The following EYS variants were observed in gnomAD, a reference collection of about 807,000 sequenced individuals.
The protein encoded by EYS is EGF-like photoreceptor maintenance factor, also known as protein eyes shut homolog.
In EYS, 250 loss-of-function variants were observed where a neutral mutation model predicts 282.1. The ratio of observed to expected loss-of-function variants is 0.89; its 90% CI spans 0.80 to 0.98. The LOEUF is 0.98. Among genes scored for constraint, EYS ranks in the 50% least tolerant of loss-of-function variants. EYS has a pLI of 0.00. For synonymous variants in EYS, 1,355 were observed against 1,282.9 expected (o/e 1.06, Z -1.20); for missense variants, 4,016 against 3,709.0 (o/e 1.08, Z -2.15).
intron 26 of EYS, among the ~76,000 whole-genome samples, chr6:64,508,283 G>C (rs114712202): frequency 6.6e-6 from 1 of 151,128 alleles, no homozygotes; most frequent in African/African-American, 2.4e-5. Flanking sequence ...TGATCAAAAC[G>C]GGGAAATAAT....
chr6:64,716,303 G>T (rs951746033), intron 22 of EYS, among the ~76,000 whole-genome samples: 2 of 152,108 alleles, frequency 1.3e-5, no homozygotes, highest in African/African-American at 4.8e-5. Flanking sequence ...AGTTTTCCTG[G>T]CACGTAATCA....
intron 29 of EYS, among the ~76,000 whole-genome samples, chr6:64,359,411 C>G (rs1285509137): frequency 6.6e-6 from 1 of 151,632 alleles, no homozygotes; most frequent in Non-Finnish European, 1.5e-5. Context: ...TGGCCTATGT[C>G]TAGATTTCTT....
intron 12 of EYS, among the ~76,000 whole-genome samples, chr6:65,272,253 A>T (rs1401669882): frequency 6.6e-6 from 1 of 152,136 alleles, no homozygotes; most frequent in African/African-American, 2.4e-5. Flanking sequence ...CTATTGCCAG[A>T]TCATTCCATG....
chr6:64,074,381 CAAT>C (rs944827484), intron 32 of EYS, among the ~76,000 whole-genome samples: 15 of 150,976 alleles, frequency 9.9e-5, no homozygotes, highest in Non-Finnish European at 2.2e-4. Flanking sequence ...CATGGAGAAA[CAAT>C]GATATTCTAG....
At chr6:64,966,244 G>A (rs1377441513) in intron 14 of EYS, among the ~76,000 whole-genome samples, 1 of 152,004 alleles carries the variant, frequency 6.6e-6, no homozygotes, top group Non-Finnish European at 1.5e-5. Context: ...ATATGCTAAT[G>A]GATAGATTAT....
intron 12 of EYS, among the ~76,000 whole-genome samples, chr6:65,254,625 A>T (rs985456293): frequency 6.6e-6 from 1 of 151,888 alleles, no homozygotes; most frequent in African/African-American, 2.4e-5. Context: ...CCATAGTAAA[A>T]TGTGGAATTC....
rs535324107 is a variant in EYS, at chr6:64,452,157, A to G, written c.5645-12805T>C. On this transcript the variant is annotated intron_variant, in intron 26 of 42. Coordinates refer to ENST00000503581, the MANE Select transcript of EYS (RefSeq NM_001142800.2). ...CTTAAGCTGATAAGCAACTTCAGCA[A>G]AGTCTCAGGATACAAAATCAATGTG... Among the ~76,000 whole-genome samples the G allele has an allele frequency of 5.9e-5, 9 of 152,324 alleles. No homozygotes were observed. The South Asian group carries it at 1.7e-3, about 28-fold the overall frequency.
At chr6:65,424,266 A>G (rs969701492) in intron 5 of EYS, among the ~76,000 whole-genome samples, 9 of 151,142 alleles carry the variant, frequency 6.0e-5, no homozygotes, top group Admixed American at 5.3e-4. Context: ...TTTTATTTCT[A>G]TTTTTTTCTT....
chr6:64,702,470 C>T (rs1459177612), intron 22 of EYS, among the ~76,000 whole-genome samples: 1 of 151,960 alleles, frequency 6.6e-6, no homozygotes. Flanking sequence ...CTATATGTTA[C>T]ATAAATTGAC....
chr6:64,058,778 C>T, intron 33 of EYS, among the ~76,000 whole-genome samples: 1 of 152,150 alleles, frequency 6.6e-6, no homozygotes, highest in East Asian at 1.9e-4. Context: ...AAACTATACA[C>T]ATTTTAGAAT....
intron 12 of EYS, among the ~76,000 whole-genome samples, chr6:65,065,098 C>T (rs543330094): frequency 7.5e-4 from 114 of 152,164 alleles, no homozygotes; most frequent in African/African-American, 2.5e-3. Context: ...AGAATCTAGG[C>T]GTGCTGAGCC....
intron 31 of EYS, among the ~76,000 whole-genome samples, chr6:64,212,569 C>CT (rs202074925): frequency 0.018 from 2,626 of 143,976 alleles, 57 homozygotes; most frequent in East Asian, 0.057. Context: ...AGATGGAGTA[C>CT]TTTTTTTTTT....
intron 24 of EYS, among the ~76,000 whole-genome samples, chr6:64,605,579 T>A (rs1766903202): frequency 6.6e-6 from 1 of 151,872 alleles, no homozygotes; most frequent in Admixed American, 6.6e-5. Flanking sequence ...TCTGAATTTT[T>A]TTTTTCTAAA....
chr6:64,592,723 T>G (rs1766451279), intron 25 of EYS, among the ~76,000 whole-genome samples: 1 of 152,118 alleles, frequency 6.6e-6, no homozygotes, highest in Non-Finnish European at 1.5e-5. Context: ...AGCACATATC[T>G]TTTATCTGAG....
At chr6:63,807,195 G>A (rs1469269725) in intron 36 of EYS, among the ~76,000 whole-genome samples, 1 of 152,208 alleles carries the variant, frequency 6.6e-6, no homozygotes, top group African/African-American at 2.4e-5. Context: ...AAATAGAAAG[G>A]GGATTTTGAC....
At chr6:64,386,710 G>A (rs1276027634) in intron 29 of EYS, among the ~76,000 whole-genome samples, 1 of 152,012 alleles carries the variant, frequency 6.6e-6, no homozygotes, top group Admixed American at 6.6e-5. Flanking sequence ...AGCCAACCTG[G>A]TCATTAAAAT....
At chr6:64,980,897 CTTAAT>C (rs1770641703) in intron 14 of EYS, among the ~76,000 whole-genome samples, 2 of 151,278 alleles carry the variant, frequency 1.3e-5, no homozygotes, top group South Asian at 4.1e-4. Context: ...TAAAAATACC[CTTAAT>C]TTAAAACTGG....
chr6:64,931,317 T>C (rs1186804421), intron 15 of EYS, among the ~76,000 whole-genome samples: 1 of 152,148 alleles, frequency 6.6e-6, no homozygotes, highest in African/African-American at 2.4e-5. Flanking sequence ...TTAAGACTCT[T>C]CTTTACAATG....
chr6:65,178,423 T>C (rs1003476257), intron 12 of EYS, among the ~76,000 whole-genome samples: 4 of 151,182 alleles, frequency 2.6e-5, no homozygotes, highest in Non-Finnish European at 5.9e-5. Context: ...GAATGGGGGG[T>C]GGAGACAAGA....
Sources: gnomAD v4.1 joint callset for allele counts (sites outside exome capture counted in the v4.1 genomes callset) on GRCh38, gnomAD v4.1.1 for gene constraint, MANE v1.5 for transcripts, NCBI Gene and HGNC (gene_info 2026-07-23, HGNC 2026-07-21) for gene names.